FAM135B: variants seen among roughly 807,000 people sequenced by gnomAD.
FAM135B encodes protein FAM135B.
In FAM135B, 43 loss-of-function variants were observed where a neutral mutation model predicts 127.7. That is an observed-to-expected ratio of 0.34 (90% CI 0.26 to 0.43). FAM135B has a LOEUF of 0.43. FAM135B is among the 20% of genes least tolerant of loss of function. The pLI is 1.00. For missense variants in FAM135B, 1,558 were observed against 1,725.6 expected (o/e 0.90, Z 1.72); for synonymous variants, 670 against 665.1 (o/e 1.01, Z -0.11).
intron 1 of FAM135B, among the ~76,000 whole-genome samples, chr8:138,404,081 T>C (rs1478513406): frequency 2.0e-5 from 3 of 152,122 alleles, no homozygotes; most frequent in Admixed American, 6.6e-5. Context: ...ATTATAGGTA[T>C]ACCTTGGTGA....
At chr8:138,413,194 G>A (rs1268118379) in intron 1 of FAM135B, among the ~76,000 whole-genome samples, 2 of 152,094 alleles carry the variant, frequency 1.3e-5, no homozygotes, top group African/African-American at 4.8e-5. Context: ...TAGAATTGAT[G>A]AAGTTTTTCC....
chr8:138,179,795 GC>G (rs1276450449), intron 9 of FAM135B, among the ~76,000 whole-genome samples: 1 of 152,114 alleles, frequency 6.6e-6, no homozygotes, highest in Non-Finnish European at 1.5e-5. Flanking sequence ...CTGGGCTCCA[GC>G]AATCCTCCAA....
intron 1 of FAM135B, among the ~76,000 whole-genome samples, chr8:138,387,478 G>T (rs932426310): frequency 6.6e-6 from 1 of 152,034 alleles, no homozygotes; most frequent in Non-Finnish European, 1.5e-5. Context: ...TTCTCCTTTT[G>T]CTCATTCTCT....
chr8:138,418,879 A>C (rs1424218362), intron 1 of FAM135B, among the ~76,000 whole-genome samples: 1 of 149,928 alleles, frequency 6.7e-6, no homozygotes, highest in Non-Finnish European at 1.5e-5. Flanking sequence ...AACACTCACC[A>C]ACCACAAAAA....
In FAM135B at chr8:138,325,082, C is replaced by T. The variant is rs541694366; in HGVS notation, c.78-14162G>A. Among the ~76,000 whole-genome samples, 9 of 151,712 alleles carry T rather than the reference C, an allele frequency of 5.9e-5. No individual in the cohort carries two copies. In the Middle Eastern group the frequency reaches 0.01, roughly 172 times the overall value. On this transcript the variant is annotated intron_variant, in intron 2 of 19. Coordinates refer to ENST00000395297, the MANE Select transcript of FAM135B (RefSeq NM_015912.4). Reference sequence around the variant, plus strand: ...TCTCATTTTAGACACTGTGTCTCCTCTGAGGGCTAGAGGATTCCCTAGAAA... The same window carrying T: ...TCTCATTTTAGACACTGTGTCTCCTTTGAGGGCTAGAGGATTCCCTAGAAA...
At chr8:138,232,254 G>T (rs541424263) in intron 7 of FAM135B, among the ~76,000 whole-genome samples, 10 of 147,030 alleles carry the variant, frequency 6.8e-5, no homozygotes, top group Middle Eastern at 3.5e-3. Flanking sequence ...TAGTGGGGGG[G>T]AGCCCTGGAC....
At chr8:138,459,260 G>T (rs1359246843) in intron 1 of FAM135B, 1 of 152,142 alleles carries the variant, frequency 6.6e-6, no homozygotes, top group African/African-American at 2.4e-5. Flanking sequence ...GCATTTGTTG[G>T]TACTTCTCCA....
intron 1 of FAM135B, among the ~76,000 whole-genome samples, chr8:138,390,979 A>G (rs541962419): frequency 6.6e-6 from 1 of 152,300 alleles, no homozygotes; most frequent in African/African-American, 2.4e-5. Context: ...AAAAGTTTCC[A>G]GGTACACAGA....
chr8:138,283,823 G>A (rs895387503), intron 3 of FAM135B, among the ~76,000 whole-genome samples: 4 of 152,044 alleles, frequency 2.6e-5, no homozygotes, highest in Non-Finnish European at 5.9e-5. Context: ...ACTTTCCAGG[G>A]AGGAAGAGAT....
At chr8:138,263,366 C>T (rs1177055720) in intron 4 of FAM135B, among the ~76,000 whole-genome samples, 1 of 152,058 alleles carries the variant, frequency 6.6e-6, no homozygotes, top group African/African-American at 2.4e-5. Flanking sequence ...ACCCATTCTC[C>T]TCGTAGTCAC....
chr8:138,223,279 A>G (rs77293040), intron 7 of FAM135B, among the ~76,000 whole-genome samples: 1,731 of 152,320 alleles, frequency 0.011, 31 homozygotes, highest in African/African-American at 0.04. Flanking sequence ...ATGTACAGTG[A>G]AGAATAAACT....
chr8:138,335,312 G>A (rs1376613634), intron 2 of FAM135B, among the ~76,000 whole-genome samples: 2 of 152,048 alleles, frequency 1.3e-5, no homozygotes, highest in Non-Finnish European at 2.9e-5. Context: ...CATTCTTCTC[G>A]CCCAGCACCC....
At chr8:138,191,099 C>T (rs1816079986) in intron 9 of FAM135B, among the ~76,000 whole-genome samples, 1 of 152,208 alleles carries the variant, frequency 6.6e-6, no homozygotes, top group African/African-American at 2.4e-5. Flanking sequence ...GTTTGACTCT[C>T]TTCATCAACA....
At chr8:138,137,584 A>C (rs1816772957) in intron 18 of FAM135B, among the ~76,000 whole-genome samples, 1 of 152,168 alleles carries the variant, frequency 6.6e-6, no homozygotes, top group African/African-American at 2.4e-5. Context: ...GACACAGAGA[A>C]ATAAGCAACT....
intron 3 of FAM135B, among the ~76,000 whole-genome samples, chr8:138,290,508 T>A (rs1825027875): frequency 6.6e-6 from 1 of 152,188 alleles, no homozygotes; most frequent in African/African-American, 2.4e-5. Flanking sequence ...GTGTTTTGTT[T>A]GCTTGAATTA....
chr8:138,236,683 C>T (rs1281032485), intron 7 of FAM135B, among the ~76,000 whole-genome samples: 3 of 152,160 alleles, frequency 2.0e-5, no homozygotes, highest in Non-Finnish European at 2.9e-5. Flanking sequence ...TTGAAGAAGT[C>T]CATGCACATA....
chr8:138,383,704 A>G (rs1370276979), intron 1 of FAM135B, among the ~76,000 whole-genome samples: 1 of 152,192 alleles, frequency 6.6e-6, no homozygotes, highest in Non-Finnish European at 1.5e-5. Context: ...CATCTCTGTG[A>G]CTTAATCTCT....
intron 7 of FAM135B, among the ~76,000 whole-genome samples, chr8:138,239,408 T>A (rs574521172): frequency 4.6e-4 from 70 of 152,230 alleles, no homozygotes; most frequent in Non-Finnish European, 7.9e-4. Flanking sequence ...GATGGGGTTG[T>A]TTTTTTCTTG....
At chr8:138,365,247 G>T (rs1830667482) in intron 2 of FAM135B, among the ~76,000 whole-genome samples, 1 of 152,160 alleles carries the variant, frequency 6.6e-6, no homozygotes. Flanking sequence ...GGTGAGCATG[G>T]ATAAACGAGA....
Sources: allele counts gnomAD v4.1 joint callset (sites outside exome capture counted in the v4.1 genomes callset), GRCh38; gene constraint gnomAD v4.1.1; transcripts MANE v1.5; gene names NCBI Gene and HGNC (gene_info 2026-07-23, HGNC 2026-07-21).